The following RTN4R variants were observed in gnomAD, a reference collection of about 807,000 sequenced individuals.
RTN4R encodes the protein reticulon-4 receptor.
RTN4R carries 4 observed loss-of-function variants against 27.7 expected under a neutral mutation model. The observed-to-expected ratio is 0.14, with a 90% CI of 0.07 to 0.33. The LOEUF (loss-of-function observed/expected upper bound fraction) is 0.33. Among genes scored for constraint, RTN4R ranks in the 10% least tolerant of loss-of-function variants. The pLI, the probability that RTN4R is intolerant of heterozygous loss-of-function variation, is 1.00. For synonymous variants in RTN4R, 290 were observed against 305.6 expected (o/e 0.95, Z 0.53); for missense variants, 554 against 671.5 (o/e 0.83, Z 1.93).
chr22:20,260,632 G>A (rs146903727), intron 1 of RTN4R, among the ~76,000 whole-genome samples: 285 of 152,284 alleles, frequency 1.9e-3, no homozygotes, highest in Non-Finnish European at 3.4e-3. Flanking sequence ...TAGGGGCCAC[G>A]CCCGGGGGCA....
chr22:20,267,713 G>C (rs1353836690), intron 1 of RTN4R: 1 of 443,032 alleles, frequency 2.3e-6, no homozygotes, highest in African/African-American at 2.1e-5. Flanking sequence ...AAACCCGCTC[G>C]TTAACCCCTT....
intron 1 of RTN4R, among the ~76,000 whole-genome samples, chr22:20,245,359 C>T (rs1036781659): frequency 6.6e-6 from 1 of 152,230 alleles, no homozygotes; most frequent in Non-Finnish European, 1.5e-5. Context: ...GGGGCCTGCC[C>T]GCTGGTCTCC....
At chr22:20,256,151 A>G (rs2051211126) in intron 1 of RTN4R, among the ~76,000 whole-genome samples, 1 of 152,190 alleles carries the variant, frequency 6.6e-6, no homozygotes, top group African/African-American at 2.4e-5. Context: ...GCGCAGGGCC[A>G]GTGGAAGGGG....
At chr22:20,245,703 G>C (rs2051136521) in intron 1 of RTN4R, among the ~76,000 whole-genome samples, 1 of 152,182 alleles carries the variant, frequency 6.6e-6, no homozygotes, top group Non-Finnish European at 1.5e-5. Context: ...TATCTGCCTG[G>C]CCAACTCTAA....
intron 1 of RTN4R, among the ~76,000 whole-genome samples, chr22:20,253,119 A>T (rs1389733756): frequency 1.3e-5 from 2 of 152,128 alleles, no homozygotes; most frequent in African/African-American, 2.4e-5. Context: ...GCCCTGCTTT[A>T]TTGAGGAGAT....
At chr22:20,263,823 G>A (rs1009198771) in intron 1 of RTN4R, among the ~76,000 whole-genome samples, 2 of 152,282 alleles carry the variant, frequency 1.3e-5, no homozygotes, top group African/African-American at 4.8e-5. Context: ...GGACACAGCT[G>A]CGGAACAGTG....
At chr22:20,256,911 CCTT>C (rs2051215213) in intron 1 of RTN4R, among the ~76,000 whole-genome samples, 1 of 152,248 alleles carries the variant, frequency 6.6e-6, no homozygotes, top group African/African-American at 2.4e-5. Flanking sequence ...CACCCCTCCA[CCTT>C]CTGCCCACTG....
intron 1 of RTN4R, among the ~76,000 whole-genome samples, chr22:20,260,825 T>TGCAGAGGTCCTGCG (rs1264453271): frequency 6.6e-6 from 1 of 152,164 alleles, no homozygotes; most frequent in Non-Finnish European, 1.5e-5. Context: ...TCTGAGTCAG[T>TGCAGAGGTCCTGCG]GCAGAGGTCC....
rs758261832 is a variant in RTN4R at position 20,253,856 on chromosome 22, C to T, written c.23-10746G>A. 2.0e-5 allele frequency among the ~76,000 whole-genome samples: 3 copies of T among 150,696 alleles called. No individual in the cohort carries two copies. In the East Asian group the frequency reaches 5.9e-4, roughly 30 times the overall value. On this transcript the variant is annotated intron_variant, in intron 1 of 1. Coordinates refer to ENST00000043402, the MANE Select transcript of RTN4R (RefSeq NM_023004.6). Reference sequence around the variant, plus strand: ...GAATCACTAAAATTAAAAAAAAAATCAATACAAGTGTTAGAAAACAAGGTC... The same window carrying T: ...GAATCACTAAAATTAAAAAAAAAATTAATACAAGTGTTAGAAAACAAGGTC...
At chr22:20,264,330 T>A (rs1212299511) in intron 1 of RTN4R, among the ~76,000 whole-genome samples, 1 of 152,062 alleles carries the variant, frequency 6.6e-6, no homozygotes, top group Admixed American at 6.5e-5. Flanking sequence ...AATACAGCGA[T>A]AAAAGAAGAA....
At chr22:20,257,231 G>C (rs924614815) in intron 1 of RTN4R, among the ~76,000 whole-genome samples, 2 of 152,250 alleles carry the variant, frequency 1.3e-5, no homozygotes, top group Non-Finnish European at 2.9e-5. Context: ...CAGCACCCCA[G>C]TGCCAAGGGC....
intron 1 of RTN4R, among the ~76,000 whole-genome samples, chr22:20,262,458 T>C (rs1052321098): frequency 1.3e-5 from 2 of 152,080 alleles, no homozygotes; most frequent in Non-Finnish European, 2.9e-5. Flanking sequence ...AGGGGGGACA[T>C]GTAACTGGGG....
At position 20,242,467 on chromosome 22, in the gene RTN4R, G is replaced by A; in HGVS notation, c.666C>T (p.Phe222=). The change falls in exon 2 of 2, where the codon TTC becomes TTT. Residue 222 remains phenylalanine, a synonymous_variant. Coordinates refer to ENST00000043402, the MANE Select transcript of RTN4R (RefSeq NM_023004.6). ...NRVAHVHPHA[F]RDLGRLMTLY... ...GTGTCATGAGGCGGCCAAGGTCACG[G>A]AAGGCATGCGGGTGCACATGGGCCA... 1 of 1,613,734 alleles carries A rather than the reference G, an allele frequency of 6.2e-7. No individual in the cohort carries two copies. Among genetic ancestry groups the A allele is most frequent in the Non-Finnish European group, 8.5e-7 (1 of 1,179,994 alleles).
chr22:20,267,838 T>G, intron 1 of RTN4R: 1 of 349,060 alleles, frequency 2.9e-6, no homozygotes, highest in Non-Finnish European at 5.5e-6. Context: ...GCCGAAGCCG[T>G]CAACTTTCCC....
chr22:20,267,931 G>C (rs1288876106), intron 1 of RTN4R, 140 bp downstream of exon 1: 31 of 409,388 alleles, frequency 7.6e-5, no homozygotes, highest in Non-Finnish European at 9.5e-5. Flanking sequence ...GCGCGGCACT[G>C]CGGTGGCTTT....
At chr22:20,268,029 G>T in intron 1 of RTN4R, 42 bp downstream of exon 1, 2 of 1,139,766 alleles carry the variant, frequency 1.8e-6, no homozygotes, top group South Asian at 4.3e-5. Context: ...CCCCCTCCGC[G>T]CCCCGCCGCC....
chr22:20,245,857 G>A (rs534405466), intron 1 of RTN4R, among the ~76,000 whole-genome samples: 4 of 152,254 alleles, frequency 2.6e-5, no homozygotes, highest in Admixed American at 1.3e-4. Context: ...CCTTGCACAC[G>A]GGGTGAGCAA....
chr22:20,257,590 C>T lies in RTN4R; in HGVS notation c.22+10481G>A, dbSNP rs1275957899. Among the ~76,000 whole-genome samples the T allele has an allele frequency of 4.6e-5, 7 of 152,222 alleles. No individual in the cohort carries two copies. The South Asian group carries it at 1.2e-3, about 27-fold the overall frequency. On this transcript the variant is annotated intron_variant, in intron 1 of 1. Transcript: ENST00000043402. ...CACCCTGATCTCAGACTTCCAGCCT[C>T]CAGAACTGTCAGGAAATGTGCTTCC...
At chr22:20,244,834 A>G (rs1300777126) in intron 1 of RTN4R, among the ~76,000 whole-genome samples, 1 of 151,898 alleles carries the variant, frequency 6.6e-6, no homozygotes, top group African/African-American at 2.4e-5. Context: ...ATTATCGACC[A>G]CACCACACCA....
Sources: allele counts gnomAD v4.1 joint callset (sites outside exome capture counted in the v4.1 genomes callset), GRCh38; gene constraint gnomAD v4.1.1; transcripts MANE v1.5; gene names NCBI Gene and HGNC (gene_info 2026-07-23, HGNC 2026-07-21).